Variants in PKP4 observed in about 807,000 individuals in gnomAD.
PKP4 encodes plakophilin 4.
Under a neutral mutation model 145.1 loss-of-function variants are expected in PKP4, and 90 were observed. The observed-to-expected ratio is 0.62, with a 90% confidence interval of 0.52 to 0.74. The LOEUF (loss-of-function observed/expected upper bound fraction) is 0.74, where lower values mean the gene tolerates loss of function less well. Among genes scored for constraint, PKP4 ranks in the 30% least tolerant of loss-of-function variants. The pLI is 0.00. For synonymous variants in PKP4, 563 were observed against 577.2 expected, an observed-to-expected ratio of 0.98 and a Z score of 0.35; for missense variants, 1,340 against 1,482.7, an observed-to-expected ratio of 0.90 and a Z score of 1.58.
At chr2:158,551,366 C>T (rs969740500) in intron 2 of PKP4, among the ~76,000 whole-genome samples, 1 of 152,148 alleles carries the variant, frequency 6.6e-6, no homozygotes, top group African/African-American at 2.4e-5. Context: ...AGTGGGGGTG[C>T]CAGTTGCTAG....
Position 158,680,879 on chromosome 2 carries a change from G to A in PKP4, c.*202G>A, listed in dbSNP as rs1311963065. 2.6e-5 allele frequency: 14 copies of A among 534,994 alleles called. No homozygotes were observed. Among genetic ancestry groups the A allele is most frequent in the Non-Finnish European group, 4.6e-5 (14 of 307,366 alleles). 33.1% of individuals were successfully genotyped at this position (534,994 alleles called of 1,614,324 possible). On this transcript the variant is annotated 3_prime_UTR_variant, in exon 22 of 22. Coordinates refer to ENST00000389759, the MANE Select transcript of PKP4 (RefSeq NM_003628.6). The stretch of plus-strand genomic sequence containing the variant: ...AGGACTTTCTAAGCTCTATTTAGGT[G>A]TTAGATCTAATTACTTATAGATTCT...
At chr2:158,484,083 G>A (rs1031594631) in intron 1 of PKP4, among the ~76,000 whole-genome samples, 2 of 148,568 alleles carry the variant, frequency 1.3e-5, no homozygotes, top group Non-Finnish European at 1.5e-5. Context: ...CGCCCAGGCC[G>A]GACTGCGGAC....
chr2:158,652,072 A>G (rs896656330), intron 11 of PKP4, among the ~76,000 whole-genome samples: 1 of 152,250 alleles, frequency 6.6e-6, no homozygotes, highest in Non-Finnish European at 1.5e-5. Context: ...CATATTTTCT[A>G]CATTTTCTAG....
chr2:158,624,913 T>A lies in PKP4; in HGVS notation c.639T>A (p.Ser213Arg). 1 of 1,610,962 alleles carries A rather than the reference T, an allele frequency of 6.2e-7. No homozygotes were observed. The highest frequency in any genetic ancestry group is 1.1e-5 in the South Asian group (1 of 90,646). ...CCAATCGGGCCATGAGAAGAGTTAGTTCAGTTCCATCTAGAGCACAGTCTC... is the reference window on the plus strand; with the variant it reads ...CCAATCGGGCCATGAGAAGAGTTAGATCAGTTCCATCTAGAGCACAGTCTC... ...SVANRAMRRVSSVPSRAQSPS... is the reference protein window; with the variant it reads ...SVANRAMRRVRSVPSRAQSPS... Residue 213 changes from serine (S) to arginine (R), a missense_variant, in exon 7 of 22, where the codon AGT becomes AGA. Ser to Arg is a moderately radical substitution (Grantham distance 110, BLOSUM62 -1). Transcript: ENST00000389759.
At chr2:158,598,427 A>C (rs2049951431) in intron 3 of PKP4, among the ~76,000 whole-genome samples, 1 of 152,166 alleles carries the variant, frequency 6.6e-6, no homozygotes, top group African/African-American at 2.4e-5. Flanking sequence ...AGACAGAGGA[A>C]CCAGGAGAAA....
intron 2 of PKP4, among the ~76,000 whole-genome samples, chr2:158,540,486 G>A (rs2044420900): frequency 6.6e-6 from 1 of 152,130 alleles, no homozygotes; most frequent in Non-Finnish European, 1.5e-5. Flanking sequence ...TCAAGGAATG[G>A]GTTGAGGGGG....
chr2:158,571,855 C>G (rs1300623928), intron 2 of PKP4, among the ~76,000 whole-genome samples: 1 of 152,114 alleles, frequency 6.6e-6, no homozygotes, highest in East Asian at 1.9e-4. Flanking sequence ...TGGAGTGGAG[C>G]TCTTCCTGCT....
chr2:158,640,402 CTCTT>C (rs2054176671), intron 9 of PKP4, among the ~76,000 whole-genome samples: 1 of 152,244 alleles, frequency 6.6e-6, no homozygotes. Flanking sequence ...TCCCCTGAAT[CTCTT>C]TCTGTGCATC....
At chr2:158,614,737 A>G (rs1419013440) in intron 4 of PKP4, among the ~76,000 whole-genome samples, 3 of 152,182 alleles carry the variant, frequency 2.0e-5, no homozygotes, top group Non-Finnish European at 4.4e-5. Flanking sequence ...TTTAGCCTTT[A>G]ATATTTTATG....
intron 2 of PKP4, among the ~76,000 whole-genome samples, chr2:158,564,648 G>A (rs900707229): frequency 5.3e-5 from 8 of 152,168 alleles, no homozygotes; most frequent in African/African-American, 1.9e-4. Flanking sequence ...TTCCTCACCA[G>A]CCCTGGCTGT....
At chr2:158,676,713 C>CT in intron 19 of PKP4, 26 bp from the exon 20 acceptor site, 1 of 1,613,894 alleles carries the variant, frequency 6.2e-7, no homozygotes, top group South Asian at 1.1e-5. Flanking sequence ...ACCCCTCTTT[C>CT]TCTCCTCCTT....
At chr2:158,668,632 A>G (rs1321480676) in intron 16 of PKP4, among the ~76,000 whole-genome samples, 4 of 152,206 alleles carry the variant, frequency 2.6e-5, no homozygotes, top group South Asian at 2.1e-4. Flanking sequence ...TGAGTATTCA[A>G]AATCACCAGA....
chr2:158,633,468 G>C (rs1211720905), intron 8 of PKP4, among the ~76,000 whole-genome samples: 1 of 152,230 alleles, frequency 6.6e-6, no homozygotes. Context: ...TCACGTCCCA[G>C]TGGGATCACA....
chr2:158,575,125 A>G (rs1482146835), intron 2 of PKP4, among the ~76,000 whole-genome samples: 1 of 152,222 alleles, frequency 6.6e-6, no homozygotes, highest in Non-Finnish European at 1.5e-5. Flanking sequence ...TTGTGCCACA[A>G]TGTTGATCAG....
intron 3 of PKP4, among the ~76,000 whole-genome samples, chr2:158,590,731 A>G (rs934241549): frequency 5.3e-5 from 8 of 152,182 alleles, no homozygotes; most frequent in African/African-American, 1.7e-4. Context: ...TTTAATCAGA[A>G]TAAGTCTAGA....
At chr2:158,507,469 G>A (rs975486431) in intron 1 of PKP4, among the ~76,000 whole-genome samples, 1 of 152,162 alleles carries the variant, frequency 6.6e-6, no homozygotes, top group African/African-American at 2.4e-5. Flanking sequence ...GGCAACCTGA[G>A]ACTGTTCTAG....
At chr2:158,641,904 T>G (rs1440488805) in intron 10 of PKP4, among the ~76,000 whole-genome samples, 1 of 152,200 alleles carries the variant, frequency 6.6e-6, no homozygotes, top group African/African-American at 2.4e-5. Context: ...TTCTGAGGCT[T>G]GGAGGAGGAC....
At chr2:158,549,679 A>G (rs2045420257) in intron 2 of PKP4, among the ~76,000 whole-genome samples, 1 of 152,154 alleles carries the variant, frequency 6.6e-6, no homozygotes, top group African/African-American at 2.4e-5. Flanking sequence ...TCAACTGAAT[A>G]GCCCAGTATT....
chr2:158,530,641 C>A (rs945750184), intron 1 of PKP4, among the ~76,000 whole-genome samples: 1 of 149,560 alleles, frequency 6.7e-6, no homozygotes, highest in Non-Finnish European at 1.5e-5. Flanking sequence ...GGATAGGAAA[C>A]CTTCATAGGT....
Sources: gnomAD v4.1 joint callset for allele counts (sites outside exome capture counted in the v4.1 genomes callset) on GRCh38, gnomAD v4.1.1 for gene constraint, MANE v1.5 for transcripts, NCBI Gene and HGNC (gene_info 2026-07-23, HGNC 2026-07-21) for gene names.